SEPTIN9: variants seen among roughly 807,000 people sequenced by gnomAD.
SEPTIN9 encodes the protein septin 9, also known as septin-9.
SEPTIN9 carries 13 observed loss-of-function variants against 56.6 expected under a neutral mutation model. The observed-to-expected ratio is 0.23, with a 90% confidence interval of 0.15 to 0.37. The LOEUF (loss-of-function observed/expected upper bound fraction) is 0.37, where lower values mean the gene tolerates loss of function less well. Among genes scored for constraint, SEPTIN9 ranks in the 10% least tolerant of loss-of-function variants. SEPTIN9 has a pLI of 1.00. For missense variants in SEPTIN9, 650 were observed against 823.1 expected (o/e 0.79, Z 2.57); for synonymous variants, 332 against 334.1 (o/e 0.99, Z 0.07).
chr17:77,352,031 G>T (rs1161728971), intron 2 of SEPTIN9, among the ~76,000 whole-genome samples: 1 of 152,186 alleles, frequency 6.6e-6, no homozygotes, highest in Non-Finnish European at 1.5e-5. Flanking sequence ...CCCTTGCCGG[G>T]CCACCCTGCT....
intron 2 of SEPTIN9, among the ~76,000 whole-genome samples, chr17:77,352,334 G>C (rs546635011): frequency 3.1e-4 from 47 of 152,200 alleles, no homozygotes; most frequent in African/African-American, 1.1e-3. Flanking sequence ...ATGAACCTTG[G>C]AGGTGGAGGT....
intron 3 of SEPTIN9, among the ~76,000 whole-genome samples, chr17:77,480,369 G>A (rs1340098369): frequency 3.9e-5 from 6 of 152,180 alleles, no homozygotes; most frequent in Non-Finnish European, 8.8e-5. Context: ...CCCTCTGACC[G>A]CTCCAGTGAA....
rs749019982 is a variant in SEPTIN9, at chr17:77,402,130, C to G, written c.148C>G (p.Pro50Ala). Residue 50 changes from proline (P) to alanine (A), a missense_variant, in exon 3 of 12, where the codon CCC (proline) becomes GCC (alanine). Physicochemically the swap from Pro to Ala is conservative, Grantham distance 27. This residue lies in a region of SEPTIN9 where 317 missense variants were observed against 329.1 expected (regional missense o/e 0.96). Coordinates refer to ENST00000427177, the MANE Select transcript of SEPTIN9 (RefSeq NM_001113491.2). The surrounding 1 kb of genome is among the most constrained non-coding windows in gnomAD (Gnocchi z 6.6). ...NSTPPRRVQTPLLRATVASST... is the reference protein window; with the variant it reads ...NSTPPRRVQTALLRATVASST... ...CACCCCACCCCGGAGGGTCCAGACT[C>G]CCCTACTCCGAGCCACTGTGGCCAG... The G allele has an allele frequency of 1.4e-4, 227 of 1,613,930 alleles. 3 individuals carry two copies. The South Asian group carries it at 2.4e-3, about 17-fold the overall frequency.
At chr17:77,468,152 C>T (rs2038831158) in intron 3 of SEPTIN9, among the ~76,000 whole-genome samples, 2 of 152,172 alleles carry the variant, frequency 1.3e-5, no homozygotes, top group African/African-American at 4.8e-5. Flanking sequence ...GTAATCCCAG[C>T]TACTCAGGAG....
rs28361557 is a variant in SEPTIN9 at position 77,282,866 on chromosome 17, G to A, written c.19+1312G>A. Among the ~76,000 whole-genome samples the A allele has an allele frequency of 2.5e-3, 380 of 152,270 alleles. 9 individuals carry two copies. The East Asian group carries it at 0.068, about 27-fold the overall frequency. ...AATACTTGAGATTGTTGTGGGGATC[G>A]CGCGGTGCATGGCCCTTTCCAGGGG... is the stretch of plus-strand genomic sequence containing the variant. On this transcript the variant is annotated intron_variant, in intron 1 of 11. Transcript: ENST00000427177.
At chr17:77,409,990 G>A (rs182990664) in intron 3 of SEPTIN9, among the ~76,000 whole-genome samples, 5 of 152,338 alleles carry the variant, frequency 3.3e-5, no homozygotes, top group Middle Eastern at 3.4e-3. Flanking sequence ...GCTGCAGGGA[G>A]GCGCTTCCTC....
intron 2 of SEPTIN9, among the ~76,000 whole-genome samples, chr17:77,342,709 A>G (rs1022175503): frequency 6.6e-6 from 1 of 152,212 alleles, no homozygotes; most frequent in African/African-American, 2.4e-5. Context: ...GCAGTGGCTC[A>G]TGTTTGTAAT....
chr17:77,294,236 T>C (rs549642986), intron 1 of SEPTIN9, among the ~76,000 whole-genome samples: 34 of 151,814 alleles, frequency 2.2e-4, no homozygotes, highest in Non-Finnish European at 2.5e-4. Context: ...CTGGTCAACA[T>C]GGTGAAACCC....
Position 77,400,305 on chromosome 17 carries a change from C to T in SEPTIN9, c.77-1754C>T, listed in dbSNP as rs995520209. 6.6e-5 allele frequency among the ~76,000 whole-genome samples: 10 copies of T among 152,182 alleles called. No homozygotes were observed. The highest frequency in any genetic ancestry group is 1.9e-4 in the East Asian group (1 of 5,196). ...GAGAAGTGAACAGCTCTGGCCACGC[C>T]GGGCCCATATCCTCTAGGGCAGTGA... is the stretch of plus-strand genomic sequence containing the variant. On this transcript the variant is annotated intron_variant, in intron 2 of 11. Transcript: ENST00000427177. This position sits in a 1 kb window ranked among gnomAD's most constrained non-coding sequence, Gnocchi z 4.1.
intron 2 of SEPTIN9, among the ~76,000 whole-genome samples, chr17:77,352,608 C>T (rs2034102570): frequency 6.6e-6 from 1 of 152,164 alleles, no homozygotes; most frequent in South Asian, 2.1e-4. Flanking sequence ...TACCCCCCAC[C>T]TGGCCTTCAC....
intron 3 of SEPTIN9, among the ~76,000 whole-genome samples, chr17:77,424,835 GC>G (rs2036840328): frequency 6.6e-6 from 1 of 152,144 alleles, no homozygotes; most frequent in South Asian, 2.1e-4. Flanking sequence ...CGGTCGCCGG[GC>G]CCCCAAGTGA....
chr17:77,288,762 A>C (rs573411099), intron 1 of SEPTIN9, among the ~76,000 whole-genome samples: 1 of 152,200 alleles, frequency 6.6e-6, no homozygotes, highest in East Asian at 1.9e-4. Flanking sequence ...ATAACAGGGA[A>C]CTTTAGCTCT....
At chr17:77,298,056 G>T (rs950177981) in intron 1 of SEPTIN9, among the ~76,000 whole-genome samples, 20 of 152,340 alleles carry the variant, frequency 1.3e-4, no homozygotes, top group Admixed American at 1.1e-3. Context: ...TCAAAGAGGA[G>T]CCTGGGGCCA....
intron 2 of SEPTIN9, among the ~76,000 whole-genome samples, chr17:77,359,125 C>T (rs1179423990): frequency 6.6e-6 from 1 of 152,230 alleles, no homozygotes; most frequent in Non-Finnish European, 1.5e-5. Flanking sequence ...AAGTTAAACA[C>T]TTCAGCTCCT....
At chr17:77,296,283 A>G (rs2031807671) in intron 1 of SEPTIN9, among the ~76,000 whole-genome samples, 1 of 152,220 alleles carries the variant, frequency 6.6e-6, no homozygotes, top group African/African-American at 2.4e-5. Flanking sequence ...GCCTGAGCTT[A>G]CCAAGGCACC....
intron 2 of SEPTIN9, among the ~76,000 whole-genome samples, chr17:77,357,470 A>G (rs2034291634): frequency 6.6e-6 from 1 of 152,188 alleles, no homozygotes; most frequent in South Asian, 2.1e-4. Flanking sequence ...CACCTGCTTT[A>G]TCACCTCACC....
chr17:77,289,430 T>TG, intron 1 of SEPTIN9, among the ~76,000 whole-genome samples: 1 of 117,760 alleles, frequency 8.5e-6, no homozygotes, highest in South Asian at 2.6e-4. Flanking sequence ...TTTTTTGAGA[T>TG]GGAGTTTCGC....
chr17:77,306,523 G>A lies in SEPTIN9; in HGVS notation c.20-618G>A, dbSNP rs547154049. On this transcript the variant is annotated intron_variant, in intron 1 of 11. Coordinates refer to ENST00000427177, the MANE Select transcript of SEPTIN9 (RefSeq NM_001113491.2). ...AGGCCTGTGTGTGGGCAGAGGGAGCGCATGCCGCGGGAGGCTGCATTAATC... is the reference window on the plus strand; with the variant it reads ...AGGCCTGTGTGTGGGCAGAGGGAGCACATGCCGCGGGAGGCTGCATTAATC... 5.3e-5 allele frequency among the ~76,000 whole-genome samples: 8 copies of A among 152,326 alleles called. No homozygotes were observed. In the South Asian group the frequency reaches 1.7e-3, roughly 32 times the overall value.
At position 77,476,689 on chromosome 17, in the gene SEPTIN9, G is replaced by A. The variant is rs1173561493; in HGVS notation, c.722-5455G>A. Among the ~76,000 whole-genome samples the A allele has an allele frequency of 2.6e-5, 4 of 152,206 alleles. No individual in the cohort carries two copies. Among genetic ancestry groups the A allele is most frequent in the Non-Finnish European group, 5.9e-5 (4 of 68,034 alleles). ...GCAGAGGGGCCCTGGCATAAGGCCT[G>A]GGTTCAGAATGGGAACCTGCAGAGA... On this transcript the variant is annotated intron_variant, in intron 3 of 11. Coordinates refer to ENST00000427177, the MANE Select transcript of SEPTIN9 (RefSeq NM_001113491.2). The surrounding 1 kb of genome is among the most constrained non-coding windows in gnomAD (Gnocchi z 6.0).
Sources: gnomAD v4.1 joint callset for allele counts (sites outside exome capture counted in the v4.1 genomes callset) on GRCh38, gnomAD v4.1.1 for gene constraint, gnomAD v4.1.1 regional missense constraint, Gnocchi (gnomAD v3.1) non-coding constraint, MANE v1.5 for transcripts, NCBI Gene and HGNC (gene_info 2026-07-23, HGNC 2026-07-21) for gene names.